Variants in ASB2 observed in about 807,000 individuals in gnomAD.
ASB2 encodes the protein ankyrin repeat and SOCS box protein 2.
A neutral mutation model predicts 62.4 loss-of-function variants in ASB2; 58 were observed. That is an observed-to-expected ratio of 0.93 (90% CI 0.75 to 1.16). ASB2 has a LOEUF of 1.16. Ranked by LOEUF, ASB2 falls within the 50% of genes most tolerant of loss-of-function variation. The pLI is 0.00. For synonymous variants in ASB2, 386 were observed against 385.3 expected (o/e 1.00, Z -0.02); for missense variants, 928 against 887.9 (o/e 1.05, Z -0.57).
intron 8 of ASB2, among the ~76,000 whole-genome samples, chr14:93,938,813 C>T (rs1004693737): frequency 2.0e-5 from 3 of 152,230 alleles, no homozygotes; most frequent in Non-Finnish European, 4.4e-5. Flanking sequence ...TCTGCGGCCT[C>T]TTAAGTGTGC....
At chr14:93,969,225 C>T (rs938037836) in intron 1 of ASB2, among the ~76,000 whole-genome samples, 17 of 152,276 alleles carry the variant, frequency 1.1e-4, no homozygotes, top group Middle Eastern at 3.4e-3. Flanking sequence ...TGTCCCTGAA[C>T]GGATGCAGTC....
chr14:93,964,700 C>T, intron 1 of ASB2, 88 bp from the exon 2 acceptor site: 1 of 651,284 alleles, frequency 1.5e-6, no homozygotes. Flanking sequence ...ATTTCACTGA[C>T]AGTAACACAT....
Position 93,947,408 on chromosome 14 carries a change from G to T in ASB2, c.993C>A (p.Asn331Lys). Residue 331 changes from asparagine (N) to lysine (K), a missense_variant, in exon 7 of 10, where the codon AAC becomes AAA. Asn to Lys is a moderately conservative substitution (Grantham distance 94). Transcript: ENST00000555019. ...GGAGCAAGCCGTCCTTGTTGGTCTT[G>T]TTGGCGTCGGCACCCTGTGACAGCA... ...EFLLSQGADANKTNKDGLLPL... is the reference protein window; with the variant it reads ...EFLLSQGADAKKTNKDGLLPL... The T allele has an allele frequency of 1.2e-6, 2 of 1,614,232 alleles. No homozygotes were observed. The highest frequency in any genetic ancestry group is 1.7e-6 in the Non-Finnish European group (2 of 1,180,048).
chr14:93,939,559 A>C lies in ASB2; in HGVS notation c.1166T>G (p.Leu389Arg). ...CGTGTTCACGTCGAAGCGCGCGCTC[A>C]GCAGCGCCTCCAGCACCTCGTCGTG... ...RNHDEVLEAL[L>R]SARFDVNTPL... The change falls in exon 8 of 10, where the codon CTG becomes CGG. Residue 389 changes from leucine to arginine, a missense_variant. Leu to Arg is a moderately radical substitution (Grantham distance 102, BLOSUM62 -2). Transcript: ENST00000555019. The C allele has an allele frequency of 6.3e-7, 1 of 1,594,944 alleles. No homozygotes were observed. The highest frequency in any genetic ancestry group is 2.3e-5 in the East Asian group (1 of 43,778).
intron 7 of ASB2, among the ~76,000 whole-genome samples, chr14:93,943,633 C>T (rs1888614564): frequency 6.6e-6 from 1 of 152,096 alleles, no homozygotes; most frequent in Admixed American, 6.6e-5. Flanking sequence ...GACAGAGAGT[C>T]GGTCTCAAAA....
intron 2 of ASB2, among the ~76,000 whole-genome samples, chr14:93,960,739 T>C (rs1889379393): frequency 6.6e-6 from 1 of 152,106 alleles, no homozygotes; most frequent in Admixed American, 6.5e-5. Flanking sequence ...AGAAGCAAAT[T>C]GGGAAATGGT....
intron 7 of ASB2, chr14:93,941,672 G>A: frequency 2.2e-6 from 1 of 456,120 alleles, no homozygotes; most frequent in South Asian, 1.5e-5. Flanking sequence ...GCTGTAACGT[G>A]CCCAAGAACG....
intron 6 of ASB2, among the ~76,000 whole-genome samples, chr14:93,947,995 G>GAAAAAAAAAA (rs55666799): frequency 2.8e-5 from 2 of 72,476 alleles, no homozygotes; most frequent in Non-Finnish European, 4.8e-5. Flanking sequence ...ACTCCGCCTG[G>GAAAAAAAAAA]AAAAAAAAAA....
At chr14:93,943,203 T>C (rs1888595028) in intron 7 of ASB2, among the ~76,000 whole-genome samples, 1 of 152,198 alleles carries the variant, frequency 6.6e-6, no homozygotes, top group Non-Finnish European at 1.5e-5. Flanking sequence ...ATGAATCTGA[T>C]TGGCCCGTAG....
At chr14:93,968,092 A>T (rs1389446387) in intron 1 of ASB2, among the ~76,000 whole-genome samples, 1 of 152,196 alleles carries the variant, frequency 6.6e-6, no homozygotes, top group Admixed American at 6.5e-5. Context: ...CCAGAGACTC[A>T]TAGACAGCAC....
intron 1 of ASB2, among the ~76,000 whole-genome samples, chr14:93,973,281 T>C (rs2141324917): frequency 6.6e-6 from 1 of 152,332 alleles, no homozygotes; most frequent in African/African-American, 2.4e-5. Context: ...GGAGCGCCTC[T>C]TGCTGATCCA....
chr14:93,936,317 C>T (rs1046385502), intron 9 of ASB2, among the ~76,000 whole-genome samples: 42 of 152,326 alleles, frequency 2.8e-4, no homozygotes, highest in African/African-American at 9.6e-4. Context: ...CTAACAAATG[C>T]GTACTCCACA....
intron 6 of ASB2, among the ~76,000 whole-genome samples, chr14:93,947,942 C>G (rs546214615): frequency 1.4e-5 from 2 of 142,142 alleles, no homozygotes; most frequent in Non-Finnish European, 1.5e-5. Context: ...TGCAGTGAGC[C>G]GAGACTGCAC....
chr14:93,954,186 A>G, intron 4 of ASB2, 131 bp downstream of exon 4: 1 of 757,084 alleles, frequency 1.3e-6, no homozygotes, highest in Non-Finnish European at 2.2e-6. Flanking sequence ...ACTAACTGAC[A>G]AATGAAAGTG....
At chr14:93,961,672 T>A (rs1039976537) in intron 2 of ASB2, among the ~76,000 whole-genome samples, 9 of 152,212 alleles carry the variant, frequency 5.9e-5, no homozygotes, top group African/African-American at 2.2e-4. Flanking sequence ...TGACATCCTA[T>A]TGCTAAACTT....
intron 4 of ASB2, among the ~76,000 whole-genome samples, chr14:93,953,768 C>T (rs1263102743): frequency 1.1e-4 from 16 of 150,658 alleles, no homozygotes; most frequent in Non-Finnish European, 1.5e-4. Context: ...GTCCTTTCCT[C>T]GAACTCACAC....
At chr14:93,945,462 G>C (rs951760386) in intron 7 of ASB2, among the ~76,000 whole-genome samples, 6 of 152,230 alleles carry the variant, frequency 3.9e-5, no homozygotes, top group African/African-American at 1.2e-4. Flanking sequence ...CAGGCGCTCT[G>C]CTAGGTGCTT....
At chr14:93,971,221 G>A (rs1315338140) in intron 1 of ASB2, among the ~76,000 whole-genome samples, 2 of 152,240 alleles carry the variant, frequency 1.3e-5, no homozygotes, top group East Asian at 1.9e-4. Flanking sequence ...CGGGCTGTGC[G>A]CAGAGCCTGC....
At chr14:93,943,936 G>A (rs1888627222) in intron 7 of ASB2, 2 of 455,884 alleles carry the variant, frequency 4.4e-6, no homozygotes, top group Admixed American at 2.4e-5. Flanking sequence ...CAGCAAAAGT[G>A]TTATATGTTG....
Sources: allele counts gnomAD v4.1 joint callset (sites outside exome capture counted in the v4.1 genomes callset), GRCh38; gene constraint gnomAD v4.1.1; transcripts MANE v1.5; gene names NCBI Gene and HGNC (gene_info 2026-07-23, HGNC 2026-07-21).